Variants in EXOC3L4 observed in about 807,000 individuals in gnomAD.
EXOC3L4 encodes the protein exocyst complex component 3-like protein 4.
Under a neutral mutation model 69.7 loss-of-function variants are expected in EXOC3L4, and 62 were observed. The observed-to-expected ratio is 0.89, with a 90% CI of 0.72 to 1.10. EXOC3L4 has a LOEUF of 1.10. EXOC3L4 is among the 50% of genes least tolerant of loss of function. EXOC3L4 has a pLI of 0.00. For missense variants in EXOC3L4, 1,087 were observed against 1,034.8 expected (o/e 1.05, Z -0.69); for synonymous variants, 502 against 464.2 (o/e 1.08, Z -1.05).
chr14:103,100,703 C>A, intron 2 of EXOC3L4, 90 bp downstream of exon 2: 1 of 1,431,736 alleles, frequency 7.0e-7, no homozygotes. Flanking sequence ...GGCTGTCCTC[C>A]CTAGCTCCCC....
At chr14:103,099,416 G>T (rs538735583) in intron 1 of EXOC3L4, among the ~76,000 whole-genome samples, 1 of 152,336 alleles carries the variant, frequency 6.6e-6, no homozygotes, top group East Asian at 1.9e-4. Flanking sequence ...TCCCTGTGTT[G>T]GGGAGGGGCC....
chr14:103,108,231 C>T (rs1701577971), intron 10 of EXOC3L4, among the ~76,000 whole-genome samples, 165 bp from the exon 11 acceptor site: 1 of 152,162 alleles, frequency 6.6e-6, no homozygotes, highest in Admixed American at 6.5e-5. Flanking sequence ...CCCAGGCACG[C>T]TCCCGTTCTG....
Position 103,108,493 on chromosome 14 carries a change from T to C in EXOC3L4, c.1952T>C (p.Leu651Pro), listed in dbSNP as rs762591338. 6 of 1,613,912 alleles carry C rather than the reference T, an allele frequency of 3.7e-6. No individual in the cohort carries two copies. Among genetic ancestry groups the C allele is most frequent in the Non-Finnish European group, 5.1e-6 (6 of 1,179,858 alleles). Reference protein sequence around the residue: ...KDDIQRHLETLIRSYPDIRRD... With the variant: ...KDDIQRHLETPIRSYPDIRRD... ...GACATCCAGCGGCACCTGGAGACTC[T>C]TATCCGGAGCTACCCCGACATCAGG... Residue 651 changes from leucine to proline, a missense_variant, in exon 11 of 12, where the codon CTT becomes CCT. Coordinates refer to ENST00000688303, the MANE Select transcript of EXOC3L4 (RefSeq NM_001077594.2).
chr14:103,104,702 C>A, intron 5 of EXOC3L4, 36 bp from the exon 6 acceptor site: 2 of 1,443,676 alleles, frequency 1.4e-6, no homozygotes, highest in Non-Finnish European at 1.8e-6. Flanking sequence ...AGGTCGGGGG[C>A]TGGGAGGCAC....
chr14:103,110,249 G>T lies in EXOC3L4; in HGVS notation c.*26G>T. 1 of 1,494,568 alleles carries T rather than the reference G, an allele frequency of 6.7e-7. No homozygotes were observed. Among genetic ancestry groups the T allele is most frequent in the South Asian group, 1.3e-5 (1 of 76,760 alleles). 92.6% of individuals were successfully genotyped at this position (1,494,568 alleles called of 1,614,324 possible). ...TTCTCTCTGGCTCGAGGGGGGGCCG[G>T]CCGCTGGCAGGGAGCTGTGGTCAGT... On this transcript the variant is annotated 3_prime_UTR_variant, in exon 12 of 12. Transcript: ENST00000688303.
At position 103,104,399 on chromosome 14, in the gene EXOC3L4, G is replaced by T; in HGVS notation, c.1284+10G>T. ...CATGGACGTCCATATGGTGCGGCCC[G>T]GGAGCAGGGGCTGAGAAGGGGCGTC... On this transcript the variant is annotated intron_variant, in intron 5 of 11. Transcript: ENST00000688303. 6.5e-7 allele frequency: 1 copy of T among 1,548,712 alleles called. No homozygotes were observed. Among genetic ancestry groups the T allele is most frequent in the African/African-American group, 1.4e-5 (1 of 71,438 alleles).
At position 103,107,364 on chromosome 14, in the gene EXOC3L4, G is replaced by A. The variant is rs549722793; in HGVS notation, c.1582-60G>A. The stretch of plus-strand genomic sequence containing the variant: ...CAGGAGTGGCACACTGGGCTTCGAG[G>A]GAGGGGTTACGTTGCGGGCGTAGTG... On this transcript the variant is annotated intron_variant, in intron 8 of 11. Coordinates refer to ENST00000688303, the MANE Select transcript of EXOC3L4 (RefSeq NM_001077594.2). 99 of 1,581,618 alleles carry A rather than the reference G, an allele frequency of 6.3e-5. No homozygotes were observed. The African/African-American group carries it at 1.2e-3, about 18-fold the overall frequency.
chr14:103,095,771 T>C (rs1326382652), intron 1 of EXOC3L4, among the ~76,000 whole-genome samples: 3 of 152,244 alleles, frequency 2.0e-5, no homozygotes, highest in African/African-American at 7.2e-5. Flanking sequence ...GTGTTGCTTG[T>C]ATTTACATAA....
chr14:103,107,535 C>G lies in EXOC3L4; in HGVS notation c.1693C>G (p.Arg565Gly). ...TCATCTCCAGCGTGTGGCCCGGCCGCGGGCACAGGTACCACAAGGGGGAGG... is the reference window on the plus strand; with the variant it reads ...TCATCTCCAGCGTGTGGCCCGGCCGGGGGCACAGGTACCACAAGGGGGAGG... ...AGHLQRVARP[R>G]AQETLQEVHR... The change falls in exon 9 of 12, where the codon CGG becomes GGG. Residue 565 changes from arginine (R) to glycine (G), a missense_variant. Coordinates refer to ENST00000688303, the MANE Select transcript of EXOC3L4 (RefSeq NM_001077594.2). 6.2e-7 allele frequency: 1 copy of G among 1,613,610 alleles called. No individual in the cohort carries two copies. The highest frequency in any genetic ancestry group is 8.5e-7 in the Non-Finnish European group (1 of 1,180,000).
At chr14:103,109,910 T>A in intron 11 of EXOC3L4, 121 bp from the exon 12 acceptor site, 1 of 1,121,120 alleles carries the variant, frequency 8.9e-7, no homozygotes, top group Non-Finnish European at 1.2e-6. Context: ...CTGACCTCCC[T>A]GACCATCCTG....
In EXOC3L4 at chr14:103,107,281, G is replaced by C; in HGVS notation, c.1582-143G>C. ...GGAGAGGCATTCTGGGAAAGGGCTCGTGACATAACCTGTGGCTAGGAGAGG... is the reference window on the plus strand; with the variant it reads ...GGAGAGGCATTCTGGGAAAGGGCTCCTGACATAACCTGTGGCTAGGAGAGG... On this transcript the variant is annotated intron_variant, in intron 8 of 11. Coordinates refer to ENST00000688303, the MANE Select transcript of EXOC3L4 (RefSeq NM_001077594.2). 3.0e-6 allele frequency: 4 copies of C among 1,320,872 alleles called. No individual in the cohort carries two copies. In the East Asian group the frequency reaches 7.1e-5, roughly 23 times the overall value. 81.8% of individuals were successfully genotyped at this position (1,320,872 alleles called of 1,614,324 possible). A position where few individuals can be genotyped will look rare whatever the true frequency, so the allele number is the denominator to read the frequency against.
chr14:103,106,323 C>T (rs902041061), intron 7 of EXOC3L4, among the ~76,000 whole-genome samples: 9 of 152,210 alleles, frequency 5.9e-5, no homozygotes, highest in African/African-American at 1.4e-4. Context: ...CTCCAGGGAG[C>T]GTTCTCTGCC....
chr14:103,107,457 C>G lies in EXOC3L4; in HGVS notation c.1615C>G (p.Leu539Val), dbSNP rs1231030379. The G allele has an allele frequency of 6.2e-7, 1 of 1,613,944 alleles. No homozygotes were observed. The highest frequency in any genetic ancestry group is 8.5e-7 in the Non-Finnish European group (1 of 1,180,004). ...LFRVVCTRDW[L>V]TQDWLHPLMD... is the part of the protein sequence containing the mutation. ...CAGGGTTGTGTGCACCAGGGACTGGCTGACGCAGGACTGGCTGCATCCCCT... is the reference window on the plus strand; with the variant it reads ...CAGGGTTGTGTGCACCAGGGACTGGGTGACGCAGGACTGGCTGCATCCCCT... Residue 539 changes from leucine (L) to valine (V), a missense_variant, in exon 9 of 12, where the codon CTG (leucine) becomes GTG (valine). Leu to Val is a conservative substitution (Grantham distance 32). Coordinates refer to ENST00000688303, the MANE Select transcript of EXOC3L4 (RefSeq NM_001077594.2).
rs1454966828 is a variant in EXOC3L4 at position 103,097,340 on chromosome 14, A to G, written c.-17+2500A>G. ...GGCCTTGCAATCAGGGAGCGGCAGC[A>G]TAGGAGCCGGGGCCCCCTGGACTCT... On this transcript the variant is annotated intron_variant, in intron 1 of 11. Transcript: ENST00000688303. The surrounding 1 kb of genome is among the most constrained non-coding windows in gnomAD (Gnocchi z 4.9). Among the ~76,000 whole-genome samples, 1 of 152,134 alleles carries G rather than the reference A, an allele frequency of 6.6e-6. No homozygotes were observed. The highest frequency in any genetic ancestry group is 6.5e-5 in the Admixed American group (1 of 15,280).
intron 3 of EXOC3L4, among the ~76,000 whole-genome samples, chr14:103,103,007 G>A (rs1276125226): frequency 6.6e-6 from 1 of 152,234 alleles, no homozygotes; most frequent in African/African-American, 2.4e-5. Context: ...AGTTTCCGCG[G>A]GGAGGTTCCC....
intron 11 of EXOC3L4, among the ~76,000 whole-genome samples, 161 bp from the exon 12 acceptor site, chr14:103,109,870 C>G (rs1319489487): frequency 6.6e-6 from 1 of 151,584 alleles, no homozygotes; most frequent in Non-Finnish European, 1.5e-5. Flanking sequence ...GCCCCCTCCC[C>G]CAGCACAGCT....
intron 7 of EXOC3L4, 37 bp from the exon 8 acceptor site, chr14:103,106,748 C>G (rs548895774): frequency 7.8e-6 from 11 of 1,401,836 alleles, no homozygotes; most frequent in Non-Finnish European, 1.1e-5. Flanking sequence ...CCTGGTCTCC[C>G]TTGCCCACCT....
In EXOC3L4 at chr14:103,108,452, C is replaced by T. The variant is rs751213812; in HGVS notation, c.1911C>T (p.Gly637=). The part of the protein sequence containing the change: ...QAIQCVAEIL[G]ETYKDDIQRH... ...TCCAGTGCGTGGCTGAGATCCTGGG[C>T]GAGACCTACAAAGATGACATCCAGC... The change falls in exon 11 of 12, where the codon GGC becomes GGT. Residue 637 remains glycine, a synonymous_variant. Coordinates refer to ENST00000688303, the MANE Select transcript of EXOC3L4 (RefSeq NM_001077594.2). 34 of 1,613,816 alleles carry T rather than the reference C, an allele frequency of 2.1e-5. No individual in the cohort carries two copies. The highest frequency in any genetic ancestry group is 3.3e-4 in the Middle Eastern group (2 of 6,078).
chr14:103,110,269 G>A lies in EXOC3L4; in HGVS notation c.*46G>A, dbSNP rs1399274065. On this transcript the variant is annotated 3_prime_UTR_variant, in exon 12 of 12. Transcript: ENST00000688303. ...GGCCGGCCGCTGGCAGGGAGCTGTG[G>A]TCAGTGGGGGTCAGCCAGGAGCCCA... 5 of 1,497,542 alleles carry A rather than the reference G, an allele frequency of 3.3e-6. No individual in the cohort carries two copies. Among genetic ancestry groups the A allele is most frequent in the South Asian group, 1.3e-5 (1 of 78,050 alleles). The allele number at this position is 1,497,542 out of a possible 1,614,324, so 92.8% of individuals were successfully genotyped here. A position where few individuals can be genotyped will look rare whatever the true frequency, so the allele number is the denominator to read the frequency against.
Sources: gnomAD v4.1 joint callset for allele counts (sites outside exome capture counted in the v4.1 genomes callset) on GRCh38, gnomAD v4.1.1 for gene constraint, Gnocchi (gnomAD v3.1) non-coding constraint, MANE v1.5 for transcripts, NCBI Gene and HGNC (gene_info 2026-07-23, HGNC 2026-07-21) for gene names.